The following RNASEH2C variants were observed in gnomAD, a reference collection of about 807,000 sequenced individuals.
RNASEH2C encodes the protein ribonuclease H2 subunit C, also known as RNase H1 small subunit.
A neutral mutation model predicts 16.3 loss-of-function variants in RNASEH2C; 20 were observed. The ratio of observed to expected loss-of-function variants is 1.23; its 90% CI spans 0.86 to 1.79. The LOEUF is 1.79. RNASEH2C is among the 40% of genes most tolerant of loss of function. The pLI is 0.00. For synonymous variants in RNASEH2C, 106 were observed against 98.9 expected, an observed-to-expected ratio of 1.07 and a Z score of -0.43; for missense variants, 296 against 235.9, an observed-to-expected ratio of 1.25 and a Z score of -1.67.
In RNASEH2C at chr11:65,718,415, G is replaced by A; in HGVS notation, c.*1368C>T. On this transcript the variant is annotated 3_prime_UTR_variant, in exon 4 of 4. Transcript: ENST00000308418. ...ACTGTGCTCAGCGCACGGAAAGAGTGAATACTCAGTTCTTCCTGAGGGAAC... is the reference window on the plus strand; with the variant it reads ...ACTGTGCTCAGCGCACGGAAAGAGTAAATACTCAGTTCTTCCTGAGGGAAC... 1.5e-6 allele frequency: 1 copy of A among 676,650 alleles called. No homozygotes were observed. Among genetic ancestry groups the A allele is most frequent in the South Asian group, 1.8e-5 (1 of 56,032 alleles). 41.9% of individuals were successfully genotyped at this position (676,650 alleles called of 1,614,324 possible).
At position 65,720,429 on chromosome 11, in the gene RNASEH2C, G is replaced by A. The variant is rs1269087084; in HGVS notation, c.173-12C>T. 6.2e-7 allele frequency: 1 copy of A among 1,613,072 alleles called. No homozygotes were observed. The highest frequency in any genetic ancestry group is 2.2e-5 in the East Asian group (1 of 44,874). On this transcript the variant is annotated splice_polypyrimidine_tract_variant and intron_variant, in intron 1 of 3. Transcript: ENST00000308418. The stretch of plus-strand genomic sequence containing the variant: ...CGACACTTCGAGTCCTGGAGCGGGA[G>A]GCGCAAAGGGCCTCAGGCAGGACCC...
Position 65,719,233 on chromosome 11 carries a change from G to T in RNASEH2C, c.*550C>A. ...GACGGCAGCAGGACTGGGGCTGATA[G>T]CCCACCCCGCCCCCACTGCAGCTCC... On this transcript the variant is annotated 3_prime_UTR_variant, in exon 4 of 4. Coordinates refer to ENST00000308418, the MANE Select transcript of RNASEH2C (RefSeq NM_032193.4). 1 of 1,591,064 alleles carries T rather than the reference G, an allele frequency of 6.3e-7. No homozygotes were observed. The highest frequency in any genetic ancestry group is 1.1e-5 in the South Asian group (1 of 88,760).
In RNASEH2C at chr11:65,718,042, C is replaced by T. The variant is rs1857261867; in HGVS notation, c.*1741G>A. ...CATGGTGGGGGTCAGTCACGTGGCT[C>T]CCAGGAATGGTCTCCCCGACTTAGG... On this transcript the variant is annotated 3_prime_UTR_variant, in exon 4 of 4. Transcript: ENST00000308418. 6.5e-6 allele frequency: 1 copy of T among 153,682 alleles called. No individual in the cohort carries two copies. Among genetic ancestry groups the T allele is most frequent in the Non-Finnish European group, 1.4e-5 (1 of 69,266 alleles). The allele number at this position is 153,682 out of a possible 1,614,324, so 9.5% of individuals were successfully genotyped here.
Position 65,720,064 on chromosome 11 carries a change from C to T in RNASEH2C, c.449G>A (p.Trp150Ter). The T allele has an allele frequency of 6.2e-7, 1 of 1,613,980 alleles. No individual in the cohort carries two copies. Among genetic ancestry groups the T allele is most frequent in the Non-Finnish European group, 8.5e-7 (1 of 1,180,046 alleles). The change falls in exon 3 of 4, where the codon TGG becomes TAG. Residue 150 changes from tryptophan (W) to a stop codon, truncating the protein, a stop_gained. Coordinates refer to ENST00000308418, the MANE Select transcript of RNASEH2C (RefSeq NM_032193.4). LOFTEE classifies it high-confidence loss of function. ...PDAKVRGALT[W>*]PSLAAAIHAQ... ...ACTCACCGCTGCCGCAAGGCTGGGC[C>T]AAGTTAAGGCCCCACGCACTTTGGC...
chr11:65,720,482 C>G (rs1353059105), intron 1 of RNASEH2C, 65 bp from the exon 2 acceptor site: 2 of 1,594,940 alleles, frequency 1.3e-6, no homozygotes, highest in Non-Finnish European at 1.7e-6. Context: ...GAGCTGCCCT[C>G]CCGCCACCTC....
At chr11:65,719,988 A>T (rs776933708) in intron 3 of RNASEH2C, 57 bp downstream of exon 3, 42 of 1,610,012 alleles carry the variant, frequency 2.6e-5, no homozygotes, top group Non-Finnish European at 3.2e-5. Context: ...CCGTCTGCGC[A>T]ATTGTGCTCC....
chr11:65,718,562 C>T lies in RNASEH2C; in HGVS notation c.*1221G>A, dbSNP rs758299499. On this transcript the variant is annotated 3_prime_UTR_variant, in exon 4 of 4. Transcript: ENST00000308418. ...GCTTATGTTCATCTGTGACCTCTTA[C>T]TCACCCTCTCCTGCTCCATTGCTTT... The T allele has an allele frequency of 1.2e-6, 2 of 1,600,578 alleles. No homozygotes were observed. Among genetic ancestry groups the T allele is most frequent in the Non-Finnish European group, 1.7e-6 (2 of 1,171,640 alleles).
At position 65,718,879 on chromosome 11, in the gene RNASEH2C, T is replaced by G. The variant is rs1202867113; in HGVS notation, c.*904A>C. ...GACCTGTGCTCTCCCACAGTGAGAT[T>G]AGTGAAATCACCAGCATCAAGAAGG... On this transcript the variant is annotated 3_prime_UTR_variant, in exon 4 of 4. Coordinates refer to ENST00000308418, the MANE Select transcript of RNASEH2C (RefSeq NM_032193.4). The G allele has an allele frequency of 6.2e-7, 1 of 1,614,012 alleles. No individual in the cohort carries two copies. The highest frequency in any genetic ancestry group is 1.3e-5 in the African/African-American group (1 of 74,918).
At chr11:65,720,544 G>A in intron 1 of RNASEH2C, 43 bp downstream of exon 1, 1 of 1,524,014 alleles carries the variant, frequency 6.6e-7, no homozygotes, top group Non-Finnish European at 8.8e-7. Flanking sequence ...GCGCAGGCCG[G>A]CGCGGGGGCT....
At position 65,719,482 on chromosome 11, in the gene RNASEH2C, G is replaced by A. The variant is rs1857324079; in HGVS notation, c.*301C>T. 2 of 609,116 alleles carry A rather than the reference G, an allele frequency of 3.3e-6. No homozygotes were observed. Among genetic ancestry groups the A allele is most frequent in the Admixed American group, 2.9e-5 (1 of 34,194 alleles). The allele number at this position is 609,116 out of a possible 1,614,324, so 37.7% of individuals were successfully genotyped here. On this transcript the variant is annotated 3_prime_UTR_variant, in exon 4 of 4. Coordinates refer to ENST00000308418, the MANE Select transcript of RNASEH2C (RefSeq NM_032193.4). ...CGGATGGGGGAGCTCTGTACAGAGG[G>A]CTGGTGATTGTAAAAATTTCTTTTG...
At chr11:65,720,467 G>T in intron 1 of RNASEH2C, 50 bp from the exon 2 acceptor site, 1 of 1,602,004 alleles carries the variant, frequency 6.2e-7, no homozygotes, top group Non-Finnish European at 8.5e-7. Flanking sequence ...GCTGGGTCGA[G>T]CCCGGAGCTG....
rs1257597933 is a variant in RNASEH2C, at chr11:65,718,429, TC to T, written c.*1353del. The T allele has an allele frequency of 7.4e-5, 53 of 716,666 alleles. No homozygotes were observed. The East Asian group carries it at 1.2e-3, about 16-fold the overall frequency. The allele number at this position is 716,666 out of a possible 1,614,324, so 44.4% of individuals were successfully genotyped here. ...ACGGAAAGAGTGAATACTCAGTTCT[TC>T]CTGAGGGAACTGAGGCACAGAGAAG... On this transcript the variant is annotated 3_prime_UTR_variant, in exon 4 of 4. Transcript: ENST00000308418.
Position 65,719,336 on chromosome 11 carries a change from C to T in RNASEH2C, c.*447G>A, listed in dbSNP as rs1857318312. ...CAGGCCTGGCAGGGGCCCACTGGTG[C>T]CCAGCACCAAGGCGAGCTCCGGGCT... On this transcript the variant is annotated 3_prime_UTR_variant, in exon 4 of 4. Coordinates refer to ENST00000308418, the MANE Select transcript of RNASEH2C (RefSeq NM_032193.4). 1.5e-5 allele frequency: 14 copies of T among 942,602 alleles called. No individual in the cohort carries two copies. Among genetic ancestry groups the T allele is most frequent in the Non-Finnish European group, 2.2e-5 (14 of 647,544 alleles). The allele number at this position is 942,602 out of a possible 1,614,324, so 58.4% of individuals were successfully genotyped here. A position where few individuals can be genotyped will look rare whatever the true frequency, so the allele number is the denominator to read the frequency against.
chr11:65,719,193 C>A lies in RNASEH2C; in HGVS notation c.*590G>T. On this transcript the variant is annotated 3_prime_UTR_variant, in exon 4 of 4. Coordinates refer to ENST00000308418, the MANE Select transcript of RNASEH2C (RefSeq NM_032193.4). ...GGGGGAAGTGGTGACCAGACACTGC[C>A]CACTGCAGTGCCAAGACGGCAGCAG... The A allele has an allele frequency of 6.2e-7, 1 of 1,612,744 alleles. No individual in the cohort carries two copies. Among genetic ancestry groups the A allele is most frequent in the Non-Finnish European group, 8.5e-7 (1 of 1,179,564 alleles).
chr11:65,719,240 C>T lies in RNASEH2C; in HGVS notation c.*543G>A, dbSNP rs1462484213. 10 of 1,580,136 alleles carry T rather than the reference C, an allele frequency of 6.3e-6. No homozygotes were observed. In the South Asian group the frequency reaches 1.1e-4, roughly 18 times the overall value. On this transcript the variant is annotated 3_prime_UTR_variant, in exon 4 of 4. Coordinates refer to ENST00000308418, the MANE Select transcript of RNASEH2C (RefSeq NM_032193.4). ...GCAGGACTGGGGCTGATAGCCCACC[C>T]CGCCCCCACTGCAGCTCCCACAAAG... is the stretch of plus-strand genomic sequence containing the variant.
chr11:65,720,032 C>T lies in RNASEH2C; in HGVS notation c.468+13G>A, dbSNP rs182000627. ...TCCACCCGGGGGCAAGACGGAACTCCTCGTCTACTCACCGCTGCCGCAAGG... is the reference window on the plus strand; with the variant it reads ...TCCACCCGGGGGCAAGACGGAACTCTTCGTCTACTCACCGCTGCCGCAAGG... On this transcript the variant is annotated intron_variant, in intron 3 of 3. Coordinates refer to ENST00000308418, the MANE Select transcript of RNASEH2C (RefSeq NM_032193.4). 3,671 of 1,612,476 alleles carry T rather than the reference C, an allele frequency of 2.3e-3. 25 individuals are homozygous for T. The highest frequency in any genetic ancestry group is 0.012 in the Middle Eastern group (72 of 6,060).
chr11:65,718,897 CAAG>C lies in RNASEH2C; in HGVS notation c.*883_*885del. On this transcript the variant is annotated 3_prime_UTR_variant, in exon 4 of 4. Transcript: ENST00000308418. Reference sequence around the variant, plus strand: ...GTGAGATTAGTGAAATCACCAGCATCAAGAAGGAGGATGTCATCTCCACTCTGC... The same window carrying C: ...GTGAGATTAGTGAAATCACCAGCATCAAGGAGGATGTCATCTCCACTCTGC... 5 of 1,614,130 alleles carry C rather than the reference CAAG, an allele frequency of 3.1e-6. No homozygotes were observed. The highest frequency in any genetic ancestry group is 1.3e-5 in the African/African-American group (1 of 75,024).
At chr11:65,719,941 C>A (rs529439894) in intron 3 of RNASEH2C, 104 bp downstream of exon 3, 5 of 1,599,732 alleles carry the variant, frequency 3.1e-6, no homozygotes, top group Non-Finnish European at 4.3e-6. Flanking sequence ...CAGGGAGCTA[C>A]GCTTCCCACA....
rs1857350966 is a variant in RNASEH2C, at chr11:65,720,307, TCCC to T, written c.280_282del (p.Gly94del). ...CCGGAATCCCGCAAGGGGTCTGGCTTCCCCATCGACACCTTCTTCTCTTCTGTC... is the reference window on the plus strand; with the variant it reads ...CCGGAATCCCGCAAGGGGTCTGGCTTCATCGACACCTTCTTCTCTTCTGTC... On this transcript the variant is annotated inframe_deletion, in exon 2 of 4. Transcript: ENST00000308418. 6.2e-7 allele frequency: 1 copy of T among 1,614,152 alleles called. No homozygotes were observed. Among genetic ancestry groups the T allele is most frequent in the Non-Finnish European group, 8.5e-7 (1 of 1,180,032 alleles).
Sources: gnomAD v4.1 joint callset for allele counts on GRCh38, gnomAD v4.1.1 for gene constraint, MANE v1.5 for transcripts, NCBI Gene and HGNC (gene_info 2026-07-23, HGNC 2026-07-21) for gene names.